ST8SIA6: variants seen among roughly 807,000 people sequenced by gnomAD.
ST8SIA6 encodes alpha-2,8-sialyltransferase 8F.
ST8SIA6 carries 39 observed loss-of-function variants against 33.6 expected under a neutral mutation model. That is an observed-to-expected ratio of 1.16 (90% CI 0.90 to 1.52). The LOEUF (loss-of-function observed/expected upper bound fraction) is 1.52, where lower values mean the gene tolerates loss of function less well. Among genes scored for constraint, ST8SIA6 ranks in the 40% most tolerant of loss-of-function variants. The pLI is 0.00. For missense variants in ST8SIA6, 441 were observed against 443.8 expected, an observed-to-expected ratio of 0.99 and a Z score of 0.06; for synonymous variants, 172 against 167.2, an observed-to-expected ratio of 1.03 and a Z score of -0.22.
intron 4 of ST8SIA6, among the ~76,000 whole-genome samples, chr10:17,343,304 CT>C (rs1447811539): frequency 6.6e-6 from 1 of 152,158 alleles, no homozygotes; most frequent in Non-Finnish European, 1.5e-5. Context: ...CAAAGGGTCA[CT>C]GAACCACAGG....
chr10:17,443,155 T>A (rs745765221), intron 2 of ST8SIA6, among the ~76,000 whole-genome samples: 2 of 152,182 alleles, frequency 1.3e-5, no homozygotes, highest in African/African-American at 2.4e-5. Context: ...TTGGCAAATA[T>A]AAATATGTAG....
intron 3 of ST8SIA6, among the ~76,000 whole-genome samples, chr10:17,389,477 C>CT (rs1264218411): frequency 1.3e-5 from 2 of 152,142 alleles, no homozygotes; most frequent in Admixed American, 1.3e-4. Flanking sequence ...CACACACATC[C>CT]TTTGTCCAGC....
intron 3 of ST8SIA6, among the ~76,000 whole-genome samples, chr10:17,360,869 T>A (rs1259409964): frequency 7.2e-6 from 1 of 139,570 alleles, no homozygotes. Flanking sequence ...AGGCAAAAAA[T>A]TTCAAACTGG....
At chr10:17,378,197 A>T (rs1419333057) in intron 3 of ST8SIA6, among the ~76,000 whole-genome samples, 1 of 152,248 alleles carries the variant, frequency 6.6e-6, no homozygotes, top group Admixed American at 6.5e-5. Flanking sequence ...TCTCATTAGC[A>T]TACCGCAGTT....
intron 2 of ST8SIA6, among the ~76,000 whole-genome samples, chr10:17,427,635 G>C (rs12253691): frequency 0.19 from 29,042 of 152,200 alleles, 4,405 homozygotes; most frequent in African/African-American, 0.42. Flanking sequence ...AGACAGTCAA[G>C]TGAAAACAAG....
rs377708378 is a variant in ST8SIA6, at chr10:17,353,698, C to G, written c.377+5816G>C. ...AACAAAGTAATCAGGCACGAAATAC[C>G]TGTTTTACAAGTCATTTGAAAGGTA... is the stretch of plus-strand genomic sequence containing the variant. On this transcript the variant is annotated intron_variant, in intron 4 of 7. Coordinates refer to ENST00000377602, the MANE Select transcript of ST8SIA6 (RefSeq NM_001004470.3). Among the ~76,000 whole-genome samples, 5 of 152,216 alleles carry G rather than the reference C, an allele frequency of 3.3e-5. No homozygotes were observed. In the East Asian group the frequency reaches 7.7e-4, roughly 23 times the overall value.
chr10:17,332,819 G>C (rs1357233820), intron 4 of ST8SIA6, among the ~76,000 whole-genome samples: 1 of 152,162 alleles, frequency 6.6e-6, no homozygotes, highest in African/African-American at 2.4e-5. Context: ...GATCAGTGAT[G>C]ATGAGCTTTT....
intron 2 of ST8SIA6, among the ~76,000 whole-genome samples, chr10:17,396,122 C>T (rs1564443385): frequency 6.6e-6 from 1 of 152,188 alleles, no homozygotes; most frequent in South Asian, 2.1e-4. Context: ...TAGAAGATCA[C>T]AATCTCTGTT....
At position 17,316,893 on chromosome 10, in the gene ST8SIA6, T is replaced by G. The variant is rs1239804200; in HGVS notation, c.*3985A>C. 6.6e-6 allele frequency among the ~76,000 whole-genome samples: 1 copy of G among 152,180 alleles called. No homozygotes were observed. Among genetic ancestry groups the G allele is most frequent in the Non-Finnish European group, 1.5e-5 (1 of 68,010 alleles). ...TGCATTACTAAAAGCTATTTCAGTC[T>G]GTCCCCAGCCTATTAACTTTAAGGT... On this transcript the variant is annotated 3_prime_UTR_variant, in exon 8 of 8. Transcript: ENST00000377602.
chr10:17,347,080 T>G (rs569341152), intron 4 of ST8SIA6, among the ~76,000 whole-genome samples: 26 of 152,302 alleles, frequency 1.7e-4, no homozygotes, highest in African/African-American at 6.0e-4. Flanking sequence ...CCCACCCACA[T>G]TATCAACGGA....
At chr10:17,327,275 T>TA (rs1848162838) in intron 5 of ST8SIA6, 149 bp from the exon 6 acceptor site, 1 of 561,576 alleles carries the variant, frequency 1.8e-6, no homozygotes, top group African/African-American at 2.0e-5. Flanking sequence ...CTAATCAACT[T>TA]ACTATGACTT....
At chr10:17,412,475 G>C (rs533189899) in intron 2 of ST8SIA6, among the ~76,000 whole-genome samples, 20 of 152,286 alleles carry the variant, frequency 1.3e-4, no homozygotes, top group African/African-American at 4.1e-4. Flanking sequence ...CTGGCACTAG[G>C]CAGGGGATAT....
At chr10:17,443,612 A>T (rs184744452) in intron 2 of ST8SIA6, among the ~76,000 whole-genome samples, 1 of 152,376 alleles carries the variant, frequency 6.6e-6, no homozygotes, top group East Asian at 1.9e-4. Context: ...AGAATTAATG[A>T]CTGATTATCT....
intron 2 of ST8SIA6, among the ~76,000 whole-genome samples, chr10:17,429,527 CTG>C (rs1033411198): frequency 6.6e-6 from 1 of 152,042 alleles, no homozygotes; most frequent in Non-Finnish European, 1.5e-5. Context: ...CACTTTCTCC[CTG>C]TGTGTTTCTC....
chr10:17,425,673 G>T (rs1564458534), intron 2 of ST8SIA6, among the ~76,000 whole-genome samples: 1 of 148,694 alleles, frequency 6.7e-6, no homozygotes, highest in Non-Finnish European at 1.5e-5. Flanking sequence ...AGGGAAGAAA[G>T]AAAAAGAAGG....
At chr10:17,370,990 C>T (rs10795483) in intron 3 of ST8SIA6, among the ~76,000 whole-genome samples, 25,582 of 152,116 alleles carry the variant, frequency 0.17, 2,499 homozygotes, top group East Asian at 0.5. Context: ...CATAATCCAG[C>T]AGCAGGATGA....
chr10:17,350,370 C>T (rs1848989439), intron 4 of ST8SIA6, among the ~76,000 whole-genome samples: 1 of 146,960 alleles, frequency 6.8e-6, no homozygotes, highest in African/African-American at 2.5e-5. Flanking sequence ...AATCGACTGG[C>T]TCACAATGAA....
At chr10:17,354,280 G>C (rs981167021) in intron 4 of ST8SIA6, among the ~76,000 whole-genome samples, 18 of 152,086 alleles carry the variant, frequency 1.2e-4, no homozygotes, top group Admixed American at 2.0e-4. Context: ...TGAGTGTCAC[G>C]CTCAAGCAAA....
intron 4 of ST8SIA6, among the ~76,000 whole-genome samples, chr10:17,332,508 A>T (rs1848333090): frequency 6.6e-6 from 1 of 152,134 alleles, no homozygotes; most frequent in Non-Finnish European, 1.5e-5. Flanking sequence ...TCAATCTCCC[A>T]CACTGGAGTA....
Sources: gnomAD v4.1 joint callset for allele counts (sites outside exome capture counted in the v4.1 genomes callset) on GRCh38, gnomAD v4.1.1 for gene constraint, MANE v1.5 for transcripts, NCBI Gene and HGNC (gene_info 2026-07-23, HGNC 2026-07-21) for gene names.